Variants in KHNYN observed in about 807,000 individuals in gnomAD.
KHNYN encodes KH and NYN domain containing.
In KHNYN, 42 loss-of-function variants were observed where a neutral mutation model predicts 62.7. The ratio of observed to expected loss-of-function variants is 0.67; its 90% confidence interval spans 0.52 to 0.87. The LOEUF (loss-of-function observed/expected upper bound fraction) is 0.87, where lower values mean the gene tolerates loss of function less well. Among genes scored for constraint, KHNYN ranks in the 40% least tolerant of loss-of-function variants. KHNYN has a pLI of 0.00. For missense variants in KHNYN, 829 were observed against 874.1 expected, an observed-to-expected ratio of 0.95 and a Z score of 0.65; for synonymous variants, 347 against 345.6, an observed-to-expected ratio of 1.00 and a Z score of -0.04.
chr14:24,430,610 A>G, intron 1 of KHNYN, 104 bp from the exon 2 acceptor site: 1 of 1,466,730 alleles, frequency 6.8e-7, no homozygotes, highest in Non-Finnish European at 9.0e-7. Flanking sequence ...GCTGTTTACC[A>G]GAGCCTTAAC....
chr14:24,427,636 T>C (rs1388385935), upstream of KHNYN: 1 of 746,634 alleles, frequency 1.3e-6, no homozygotes. This position sits in a 1 kb window ranked among gnomAD's most constrained non-coding sequence, Gnocchi z 4.4. Context: ...TCTACTCTTC[T>C]CTTAAACTTG....
Position 24,432,640 on chromosome 14 carries a change from G to C in KHNYN, c.1349+30G>C, listed in dbSNP as rs1411489324. On this transcript the variant is annotated intron_variant, in intron 3 of 7. Transcript: ENST00000553935. This position sits in a 1 kb window ranked among gnomAD's most constrained non-coding sequence, Gnocchi z 5.6. ...GTACCTGGTGGGGCTAAGGGCCTAG[G>C]AGAGGGAGGATATGTCCTGAGGGGC... 1.2e-6 allele frequency: 2 copies of C among 1,610,248 alleles called. No homozygotes were observed. The highest frequency in any genetic ancestry group is 1.7e-6 in the Non-Finnish European group (2 of 1,177,394).
chr14:24,440,436 G>C lies in KHNYN; in HGVS notation c.*3151G>C, dbSNP rs1265736524. On this transcript the variant is annotated 3_prime_UTR_variant, in exon 8 of 8. Coordinates refer to ENST00000553935, the MANE Select transcript of KHNYN (RefSeq NM_015299.3). ...GAGCCGATGGGGCCCCCCAGGCCCA[G>C]GCGAAAGGGCAGCAGCATGTGGCCC... 2 of 1,612,286 alleles carry C rather than the reference G, an allele frequency of 1.2e-6. No individual in the cohort carries two copies. The highest frequency in any genetic ancestry group is 8.5e-7 in the Non-Finnish European group (1 of 1,179,194).
intron 6 of KHNYN, 88 bp downstream of exon 6, chr14:24,436,267 G>T: frequency 1.9e-5 from 27 of 1,438,152 alleles, no homozygotes; most frequent in Non-Finnish European, 2.5e-5. Context: ...TGAAAACTCT[G>T]GGAAGGAGGT....
chr14:24,438,539 T>C lies in KHNYN; in HGVS notation c.*1254T>C, dbSNP rs2043243189. ...ACTGGCCACCAGACCAACTCTGCTGTTACTGACATGCTTTCTTCACCCTGA... is the reference window on the plus strand; with the variant it reads ...ACTGGCCACCAGACCAACTCTGCTGCTACTGACATGCTTTCTTCACCCTGA... On this transcript the variant is annotated 3_prime_UTR_variant, in exon 8 of 8. Coordinates refer to ENST00000553935, the MANE Select transcript of KHNYN (RefSeq NM_015299.3). The C allele has an allele frequency of 6.6e-6, 1 of 152,192 alleles. No homozygotes were observed. The highest frequency in any genetic ancestry group is 1.5e-5 in the Non-Finnish European group (1 of 68,034). 9.4% of individuals were successfully genotyped at this position (152,192 alleles called of 1,614,324 possible).
Position 24,431,778 on chromosome 14 carries a change from G to A in KHNYN, c.517G>A (p.Asp173Asn). ...DFSALLQSPGDAHREALLQLP... is the reference protein window; with the variant it reads ...DFSALLQSPGNAHREALLQLP... ...CTCTGCCCTGCTGCAGTCCCCGGGGGATGCCCATAGAGAGGCTCTGTTGCA... is the reference window on the plus strand; with the variant it reads ...CTCTGCCCTGCTGCAGTCCCCGGGGAATGCCCATAGAGAGGCTCTGTTGCA... Residue 173 changes from aspartate (D) to asparagine (N), a missense_variant, in exon 3 of 8, where the codon GAT (aspartate) becomes AAT (asparagine). Asp to Asn is a conservative substitution (Grantham distance 23). Coordinates refer to ENST00000553935, the MANE Select transcript of KHNYN (RefSeq NM_015299.3). 3 of 1,614,192 alleles carry A rather than the reference G, an allele frequency of 1.9e-6. No individual in the cohort carries two copies. The highest frequency in any genetic ancestry group is 1.7e-4 in the Middle Eastern group (1 of 6,052).
At chr14:24,427,658 C>T, upstream of KHNYN, 1 of 849,082 alleles carries the variant, frequency 1.2e-6, no homozygotes, top group Non-Finnish European at 1.9e-6. The surrounding 1 kb of genome is among the most constrained non-coding windows in gnomAD (Gnocchi z 4.4). Context: ...GTGTTTGGCA[C>T]AGGGTCCCAT....
rs747833104 is a variant in KHNYN at position 24,436,384 on chromosome 14, C to T, written c.1686-4C>T. 13 of 1,613,616 alleles carry T rather than the reference C, an allele frequency of 8.1e-6. No individual in the cohort carries two copies. The South Asian group carries it at 1.4e-4, about 18-fold the overall frequency. On this transcript the variant is annotated splice_polypyrimidine_tract_variant and splice_region_variant and intron_variant, in intron 6 of 7. Coordinates refer to ENST00000553935, the MANE Select transcript of KHNYN (RefSeq NM_015299.3). ...GTGACCACACATTATCTTTCGCCAT[C>T]CAGCCTGCTGCCCTTTACCTTTGTG...
Position 24,430,951 on chromosome 14 carries a change from C to G in KHNYN, c.201+20C>G, listed in dbSNP as rs2043098886. The G allele has an allele frequency of 1.9e-6, 3 of 1,601,658 alleles. No homozygotes were observed. The highest frequency in any genetic ancestry group is 2.6e-6 in the Non-Finnish European group (3 of 1,171,442). Reference sequence around the variant, plus strand: ...GCCAAGGTGAACGCCTTCTCTCCCCCATCCCTCCAGGCACCAAGGACGCTT... The same window carrying G: ...GCCAAGGTGAACGCCTTCTCTCCCCGATCCCTCCAGGCACCAAGGACGCTT... On this transcript the variant is annotated intron_variant, in intron 2 of 7. Transcript: ENST00000553935.
chr14:24,437,340 G>C lies in KHNYN; in HGVS notation c.*55G>C, dbSNP rs199513673. On this transcript the variant is annotated 3_prime_UTR_variant, in exon 8 of 8. Transcript: ENST00000553935. This position sits in a 1 kb window ranked among gnomAD's most constrained non-coding sequence, Gnocchi z 5.5. ...GTCAGCTCCAGCCGCCTCCAGCTCA[G>C]CCCTTTCTGTGAGAGTCCCTCTGCT... 1,281 of 1,567,156 alleles carry C rather than the reference G, an allele frequency of 8.2e-4. 2 individuals are homozygous for C. The highest frequency in any genetic ancestry group is 1.0e-3 in the Non-Finnish European group (1,192 of 1,155,334).
At chr14:24,436,040 C>T in intron 5 of KHNYN, 32 bp from the exon 6 acceptor site, 1 of 1,561,712 alleles carries the variant, frequency 6.4e-7, no homozygotes, top group African/African-American at 1.4e-5. Flanking sequence ...AATTTTTCAA[C>T]CCTCTCTCGG....
Position 24,441,685 on chromosome 14 carries a change from AC to A in KHNYN, c.*4401del, listed in dbSNP as rs761574078. 2.5e-6 allele frequency: 4 copies of A among 1,586,898 alleles called. No individual in the cohort carries two copies. The African/African-American group carries it at 4.1e-5, about 16-fold the overall frequency. On this transcript the variant is annotated 3_prime_UTR_variant, in exon 8 of 8. Coordinates refer to ENST00000553935, the MANE Select transcript of KHNYN (RefSeq NM_015299.3). The stretch of plus-strand genomic sequence containing the variant: ...TTTGGGGGGCGTACCTACACCTGTG[AC>A]TAAGACCCAGGCCTTGGGGGGTTGT...
Position 24,433,050 on chromosome 14 carries a change from G to A in KHNYN, c.1577+18G>A, listed in dbSNP as rs2043149027. ...GATGACAGGTACTTGCTCCTCTCCT[G>A]GCCCCAGGCTTGATATTGAAGGAGC... On this transcript the variant is annotated intron_variant, in intron 5 of 7. Coordinates refer to ENST00000553935, the MANE Select transcript of KHNYN (RefSeq NM_015299.3). 1.2e-6 allele frequency: 2 copies of A among 1,604,262 alleles called. No homozygotes were observed. The highest frequency in any genetic ancestry group is 1.7e-5 in the Admixed American group (1 of 59,986).
Position 24,432,008 on chromosome 14 carries a change from G to A in KHNYN, c.747G>A (p.Arg249=). The change falls in exon 3 of 8, where the codon AGG becomes AGA. Residue 249 remains arginine, a synonymous_variant. Coordinates refer to ENST00000553935, the MANE Select transcript of KHNYN (RefSeq NM_015299.3). This position sits in a 1 kb window ranked among gnomAD's most constrained non-coding sequence, Gnocchi z 5.6. ...SMGPGDCRGA[R]GDTYAVEKEG... is the part of the protein sequence containing the mutation. The stretch of plus-strand genomic sequence containing the variant: ...GACCCGGAGATTGCAGGGGAGCAAG[G>A]GGAGACACTTACGCTGTGGAGAAGG... 6.2e-7 allele frequency: 1 copy of A among 1,611,016 alleles called. No homozygotes were observed. The highest frequency in any genetic ancestry group is 1.1e-5 in the South Asian group (1 of 90,766).
In KHNYN at chr14:24,438,782, TAAA is replaced by T. The variant is rs2043246204; in HGVS notation, c.*1498_*1500del. On this transcript the variant is annotated 3_prime_UTR_variant, in exon 8 of 8. Coordinates refer to ENST00000553935, the MANE Select transcript of KHNYN (RefSeq NM_015299.3). ...CAACTTCCTGGAATCCAAGACCAGATAAAGAAGTAGGACAGGTGCCCCTGGGTT... is the reference window on the plus strand; with the variant it reads ...CAACTTCCTGGAATCCAAGACCAGATGAAGTAGGACAGGTGCCCCTGGGTT... 1 of 152,174 alleles carries T rather than the reference TAAA, an allele frequency of 6.6e-6. No homozygotes were observed. Among genetic ancestry groups the T allele is most frequent in the Non-Finnish European group, 1.5e-5 (1 of 68,036 alleles). The allele number at this position is 152,174 out of a possible 1,614,324, so 9.4% of individuals were successfully genotyped here.
chr14:24,434,528 C>A, intron 5 of KHNYN: 1 of 231,766 alleles, frequency 4.3e-6, no homozygotes, highest in Non-Finnish European at 7.1e-6. Flanking sequence ...CCTCAGCCTC[C>A]CGAGTAGCTG....
rs1566506681 is a variant in KHNYN at position 24,440,789 on chromosome 14, GCAC to G, written c.*3512_*3514del. 2 of 1,613,796 alleles carry G rather than the reference GCAC, an allele frequency of 1.2e-6. No individual in the cohort carries two copies. The highest frequency in any genetic ancestry group is 1.7e-6 in the Non-Finnish European group (2 of 1,179,822). ...ACCCAGGCCCGTTTCTCACCTGAGC[GCAC>G]CACCACCTGGCGTGTAGAATCTCCA... On this transcript the variant is annotated 3_prime_UTR_variant, in exon 8 of 8. Coordinates refer to ENST00000553935, the MANE Select transcript of KHNYN (RefSeq NM_015299.3).
chr14:24,428,008 G>A (rs748180106), upstream of KHNYN: 1 of 1,606,756 alleles, frequency 6.2e-7, no homozygotes, highest in Admixed American at 1.7e-5. Flanking sequence ...AGCCCAGTTA[G>A]CCCCCATTCC....
chr14:24,423,760 T>A, the KHNYN span, among the ~76,000 whole-genome samples: 1 of 152,186 alleles, frequency 6.6e-6, no homozygotes, highest in Non-Finnish European at 1.5e-5. Flanking sequence ...CCTTCATCAG[T>A]GGGACTTCTC....
Sources: gnomAD v4.1 joint callset for allele counts (sites outside exome capture counted in the v4.1 genomes callset) on GRCh38, gnomAD v4.1.1 for gene constraint, Gnocchi (gnomAD v3.1) non-coding constraint, MANE v1.5 for transcripts, NCBI Gene and HGNC (gene_info 2026-07-23, HGNC 2026-07-21) for gene names.